The following SAXO1 variants were observed in gnomAD, a reference collection of about 807,000 sequenced individuals.
SAXO1 encodes stabilizer of axonemal microtubules 1, also known as 4930500O09Rik.
Under a neutral mutation model 17.5 loss-of-function variants are expected in SAXO1, and 21 were observed. The observed-to-expected ratio is 1.20, with a 90% CI of 0.85 to 1.72. SAXO1 has a LOEUF of 1.72. Ranked by LOEUF, SAXO1 falls within the 40% of genes most tolerant of loss-of-function variation. The probability of loss-of-function intolerance (pLI) is 0.00; values close to 1 mark genes in which losing one functional copy is unlikely to be tolerated. For synonymous variants in SAXO1, 274 were observed against 216.5 expected (o/e 1.27, Z -2.33); for missense variants, 843 against 596.0 (o/e 1.41, Z -4.32).
At position 18,994,113 on chromosome 9, in the gene SAXO1, A is replaced by C. The variant is rs368456033; in HGVS notation, c.38+38758T>G. ...CTGTTCAAATTTACTGCACTAAAAT[A>C]AAACAGGTTACTGTAGCCAAAAATA... On this transcript the variant is annotated intron_variant, in intron 1 of 3. Coordinates refer to ENST00000380534, the MANE Select transcript of SAXO1 (RefSeq NM_153707.4). 3.3e-5 allele frequency among the ~76,000 whole-genome samples: 5 copies of C among 152,250 alleles called. No homozygotes were observed. The South Asian group carries it at 1.0e-3, about 32-fold the overall frequency.
chr9:18,957,219 C>A (rs1208184659), intron 1 of SAXO1, among the ~76,000 whole-genome samples: 1 of 152,214 alleles, frequency 6.6e-6, no homozygotes, highest in Non-Finnish European at 1.5e-5. Flanking sequence ...CTCCACTCCT[C>A]TTTAAAATTC....
chr9:19,028,995 T>G (rs1267030654), intron 1 of SAXO1, among the ~76,000 whole-genome samples: 1 of 152,236 alleles, frequency 6.6e-6, no homozygotes, highest in Non-Finnish European at 1.5e-5. Context: ...CCATTCAGGC[T>G]GATTTGGTTT....
At chr9:19,015,919 G>A (rs1005290598) in intron 1 of SAXO1, among the ~76,000 whole-genome samples, 1 of 152,144 alleles carries the variant, frequency 6.6e-6, no homozygotes, top group East Asian at 1.9e-4. Context: ...AGATTCCTGA[G>A]CCTCAGACCC....
At chr9:18,949,886 T>G (rs1229939092) in intron 2 of SAXO1, among the ~76,000 whole-genome samples, 2 of 152,176 alleles carry the variant, frequency 1.3e-5, no homozygotes, top group African/African-American at 4.8e-5. Flanking sequence ...CATCTCCACC[T>G]CACAGCAACC....
At chr9:18,959,403 G>C (rs1208656270) in intron 1 of SAXO1, among the ~76,000 whole-genome samples, 7 of 152,152 alleles carry the variant, frequency 4.6e-5, no homozygotes, top group Admixed American at 4.6e-4. Context: ...TGAGAGGGGA[G>C]AGAAGAATCA....
chr9:19,018,247 G>A (rs1027557668), intron 1 of SAXO1, among the ~76,000 whole-genome samples: 6 of 151,742 alleles, frequency 4.0e-5, no homozygotes, highest in African/African-American at 1.5e-4. Flanking sequence ...ACTATATCAT[G>A]TAAAGTTATT....
chr9:19,017,363 A>C (rs912784734), intron 1 of SAXO1, among the ~76,000 whole-genome samples: 5 of 152,326 alleles, frequency 3.3e-5, no homozygotes, highest in Non-Finnish European at 7.4e-5. Flanking sequence ...AAACCTGTAC[A>C]CATACCCACA....
At chr9:19,006,984 G>A (rs921828004) in intron 1 of SAXO1, among the ~76,000 whole-genome samples, 2 of 152,170 alleles carry the variant, frequency 1.3e-5, no homozygotes, top group African/African-American at 4.8e-5. Context: ...GGCAAAGGAT[G>A]CAGTGAGATG....
chr9:19,041,774 G>C (rs1255333249), intron 1 of SAXO1, among the ~76,000 whole-genome samples: 6 of 152,130 alleles, frequency 3.9e-5, no homozygotes, highest in Non-Finnish European at 7.4e-5. Context: ...CCTATCTCTT[G>C]CCATATACAA....
intron 1 of SAXO1, among the ~76,000 whole-genome samples, chr9:18,974,196 G>T (rs546261016): frequency 2.0e-5 from 3 of 152,196 alleles, no homozygotes. Flanking sequence ...GAAGGAGCCA[G>T]GTTCTTATCC....
intron 1 of SAXO1, chr9:19,027,947 C>T (rs1433952734): frequency 2.8e-6 from 4 of 1,449,120 alleles, no homozygotes; most frequent in African/African-American, 1.4e-5. Context: ...TCAGTCCTGA[C>T]GTGAACTGCG....
At chr9:19,006,281 A>G (rs922097863) in intron 1 of SAXO1, among the ~76,000 whole-genome samples, 4 of 152,224 alleles carry the variant, frequency 2.6e-5, no homozygotes, top group African/African-American at 9.6e-5. Flanking sequence ...TATGTATCCA[A>G]AAGAACTGAA....
intron 1 of SAXO1, among the ~76,000 whole-genome samples, chr9:18,986,807 A>G (rs1833613415): frequency 6.6e-6 from 1 of 152,202 alleles, no homozygotes; most frequent in Non-Finnish European, 1.5e-5. Context: ...CTTCAAAGAC[A>G]TTGTTAGGTT....
intron 1 of SAXO1, among the ~76,000 whole-genome samples, chr9:18,985,944 G>C (rs1833576226): frequency 6.6e-6 from 1 of 152,168 alleles, no homozygotes; most frequent in Non-Finnish European, 1.5e-5. Flanking sequence ...GGTCAGACTT[G>C]CTCATGGTTT....
intron 1 of SAXO1, among the ~76,000 whole-genome samples, chr9:18,998,566 C>T (rs1297159934): frequency 6.6e-6 from 1 of 152,106 alleles, no homozygotes; most frequent in African/African-American, 2.4e-5. Context: ...GAAGAACTTT[C>T]CCAACCTAGC....
chr9:18,967,185 C>G (rs1832753667), intron 1 of SAXO1, among the ~76,000 whole-genome samples: 1 of 152,182 alleles, frequency 6.6e-6, no homozygotes, highest in Non-Finnish European at 1.5e-5. Flanking sequence ...TCTGTCTACC[C>G]CTGCTGGGAG....
chr9:18,989,489 T>C (rs1833721133), intron 1 of SAXO1, among the ~76,000 whole-genome samples: 1 of 152,202 alleles, frequency 6.6e-6, no homozygotes, highest in Non-Finnish European at 1.5e-5. Flanking sequence ...AATATACATT[T>C]AATGTATACA....
intron 1 of SAXO1, among the ~76,000 whole-genome samples, chr9:18,960,700 G>A (rs1448591131): frequency 2.0e-5 from 3 of 152,118 alleles, no homozygotes; most frequent in South Asian, 2.1e-4. Flanking sequence ...AAAGACACAT[G>A]AGTCCAGAGG....
chr9:18,951,788 T>C (rs1046602608), intron 1 of SAXO1, among the ~76,000 whole-genome samples: 4 of 152,230 alleles, frequency 2.6e-5, no homozygotes, highest in South Asian at 2.1e-4. Flanking sequence ...TGCTACACTG[T>C]ACGTGTACAC....
Sources: allele counts gnomAD v4.1 joint callset (sites outside exome capture counted in the v4.1 genomes callset), GRCh38; gene constraint gnomAD v4.1.1; transcripts MANE v1.5; gene names NCBI Gene and HGNC (gene_info 2026-07-23, HGNC 2026-07-21).